Variants in IKZF1 observed in about 807,000 individuals in gnomAD.
The protein encoded by IKZF1 is DNA-binding protein Ikaros.
Under a neutral mutation model 51.7 loss-of-function variants are expected in IKZF1, and 10 were observed. The ratio of observed to expected loss-of-function variants is 0.19; its 90% CI spans 0.12 to 0.33. The LOEUF is 0.33. IKZF1 is among the 10% of genes least tolerant of loss of function. The pLI, the probability that IKZF1 is intolerant of heterozygous loss-of-function variation, is 1.00. For missense variants in IKZF1, 484 were observed against 707.5 expected, an observed-to-expected ratio of 0.68 and a Z score of 3.58; for synonymous variants, 280 against 282.3, an observed-to-expected ratio of 0.99 and a Z score of 0.08.
chr7:50,326,543 A>G (rs1236779402), intron 2 of IKZF1, among the ~76,000 whole-genome samples: 2 of 152,218 alleles, frequency 1.3e-5, no homozygotes, highest in Admixed American at 1.3e-4. Context: ...AGCATTTCCT[A>G]CTAGTTATGG....
intron 3 of IKZF1, among the ~76,000 whole-genome samples, chr7:50,341,134 G>A (rs1252555713): frequency 2.1e-5 from 3 of 139,930 alleles, no homozygotes; most frequent in African/African-American, 2.7e-5. Flanking sequence ...TTTAAATGTT[G>A]GGTATGGAGT....
At chr7:50,366,373 A>G (rs1041214338) in intron 3 of IKZF1, among the ~76,000 whole-genome samples, 4 of 152,252 alleles carry the variant, frequency 2.6e-5, no homozygotes, top group African/African-American at 9.6e-5. Context: ...TTACACTTTG[A>G]TGCCCAAGAC....
rs979453362 is a variant in IKZF1 at position 50,399,953 on chromosome 7, A to C, written c.886A>C (p.Ser296Arg). The C allele has an allele frequency of 2.5e-6, 4 of 1,613,392 alleles. No homozygotes were observed. Among genetic ancestry groups the C allele is most frequent in the Non-Finnish European group, 3.4e-6 (4 of 1,179,764 alleles). ...CCTGTCCGACACGCCCTACGACAGC[A>C]GCGCCAGCTACGAGAAGGAGAACGA... ...KGLSDTPYDS[S>R]ASYEKENEMM... The change falls in exon 8 of 8, where the codon AGC (serine) becomes CGC (arginine). Residue 296 changes from serine (S) to arginine (R), a missense_variant. Coordinates refer to ENST00000331340, the MANE Select transcript of IKZF1 (RefSeq NM_006060.6).
intron 3 of IKZF1, among the ~76,000 whole-genome samples, chr7:50,372,698 C>T (rs964902556): frequency 6.6e-6 from 1 of 152,340 alleles, no homozygotes; most frequent in Admixed American, 6.5e-5. Context: ...GCTGTTCCTA[C>T]AGAACTGTGT....
chr7:50,306,009 A>G (rs752030195), intron 1 of IKZF1, among the ~76,000 whole-genome samples: 12 of 152,190 alleles, frequency 7.9e-5, no homozygotes, highest in Non-Finnish European at 1.5e-5. Flanking sequence ...CATCTTTTAT[A>G]TGGAATTTTA....
intron 2 of IKZF1, among the ~76,000 whole-genome samples, chr7:50,325,357 C>G (rs1170061557): frequency 6.9e-6 from 1 of 144,416 alleles, no homozygotes; most frequent in Admixed American, 7.4e-5. Flanking sequence ...AGGAAGTCAT[C>G]TTATACAAAA....
intron 3 of IKZF1, among the ~76,000 whole-genome samples, chr7:50,373,928 G>A (rs1245105585): frequency 6.6e-6 from 1 of 152,180 alleles, no homozygotes; most frequent in African/African-American, 2.4e-5. Context: ...AGGTTAGCAG[G>A]AGGCTGCTCA....
At chr7:50,399,767 GTA>G (rs1817647825) in intron 7 of IKZF1, 149 bp from the exon 8 acceptor site, 2 of 1,181,830 alleles carry the variant, frequency 1.7e-6, no homozygotes, top group Non-Finnish European at 2.3e-6. Context: ...AGGTGTGTGT[GTA>G]TGTGTGCAGG....
chr7:50,340,152 C>A (rs1584600478), intron 3 of IKZF1, among the ~76,000 whole-genome samples: 1 of 152,212 alleles, frequency 6.6e-6, no homozygotes, highest in Admixed American at 6.5e-5. Flanking sequence ...AGAAAACTAC[C>A]TCCACTGTGG....
intron 5 of IKZF1, among the ~76,000 whole-genome samples, chr7:50,383,695 G>T (rs1191636012): frequency 2.0e-5 from 3 of 152,208 alleles, no homozygotes; most frequent in Admixed American, 6.5e-5. Context: ...ACCAGCCAGG[G>T]CCCTTCTCCA....
chr7:50,336,352 C>T (rs1287922389), intron 3 of IKZF1, among the ~76,000 whole-genome samples: 4 of 152,132 alleles, frequency 2.6e-5, no homozygotes, highest in Non-Finnish European at 4.4e-5. Flanking sequence ...GCGTGGGGAC[C>T]ATGGGTCACA....
At chr7:50,308,689 A>G (rs556618586) in intron 1 of IKZF1, 1 of 152,312 alleles carries the variant, frequency 6.6e-6, no homozygotes, top group Admixed American at 6.5e-5. Context: ...CATATTTGGC[A>G]AGTGGTTCCA....
At position 50,380,777 on chromosome 7, in the gene IKZF1, C is replaced by G. The variant is rs540217815; in HGVS notation, c.422-1763C>G. ...CATTTATGCACAAGTGCACAGAAGG[C>G]CCAGAACTGTTCCTAATAGATAATT... On this transcript the variant is annotated intron_variant, in intron 4 of 7. Transcript: ENST00000331340. Among the ~76,000 whole-genome samples the G allele has an allele frequency of 1.1e-4, 16 of 152,286 alleles. No individual in the cohort carries two copies. In the East Asian group the frequency reaches 2.5e-3, roughly 24 times the overall value.
At chr7:50,354,684 C>T (rs749687131) in intron 3 of IKZF1, among the ~76,000 whole-genome samples, 1 of 152,082 alleles carries the variant, frequency 6.6e-6, no homozygotes, top group Non-Finnish European at 1.5e-5. Context: ...CCCTCTCTAG[C>T]ATTTCTGCTT....
In IKZF1 at chr7:50,345,546, T is replaced by C. The variant is rs570837578; in HGVS notation, c.160+17789T>C. On this transcript the variant is annotated intron_variant, in intron 3 of 7. Transcript: ENST00000331340. ...TGGAAATTGAGCCGTCTTTGGAGAA[T>C]CAGCTAATGAGACAGATGCATGTTA... 2.9e-3 allele frequency among the ~76,000 whole-genome samples: 447 copies of C among 152,268 alleles called. 3 individuals are homozygous for C. The highest frequency in any genetic ancestry group is 3.2e-3 in the Non-Finnish European group (216 of 68,016).
intron 3 of IKZF1, among the ~76,000 whole-genome samples, chr7:50,364,134 A>G (rs910583409): frequency 6.6e-6 from 1 of 152,224 alleles, no homozygotes; most frequent in African/African-American, 2.4e-5. Flanking sequence ...TCGAATTTGA[A>G]AGTAGATCAG....
intron 3 of IKZF1, among the ~76,000 whole-genome samples, chr7:50,347,164 G>A (rs1651624169): frequency 6.6e-6 from 1 of 152,252 alleles, no homozygotes; most frequent in South Asian, 2.1e-4. Flanking sequence ...TACAGGGACA[G>A]TGATAAATAA....
intron 2 of IKZF1, among the ~76,000 whole-genome samples, chr7:50,325,775 GA>G (rs200392928): frequency 0.012 from 1,603 of 138,498 alleles, 19 homozygotes; most frequent in African/African-American, 0.038. Flanking sequence ...ACTCTGTCTC[GA>G]AAAAAAAAAA....
At chr7:50,373,169 CT>C (rs1809217676) in intron 3 of IKZF1, among the ~76,000 whole-genome samples, 2 of 152,222 alleles carry the variant, frequency 1.3e-5, no homozygotes, top group South Asian at 4.1e-4. Flanking sequence ...TGTCACATAG[CT>C]TTGCCTCCTC....
Sources: gnomAD v4.1 joint callset for allele counts (sites outside exome capture counted in the v4.1 genomes callset) on GRCh38, gnomAD v4.1.1 for gene constraint, MANE v1.5 for transcripts, NCBI Gene and HGNC (gene_info 2026-07-23, HGNC 2026-07-21) for gene names.